Variants in MAP7D1 observed in about 807,000 individuals in gnomAD.
The protein encoded by MAP7D1 is MAP7 domain containing 1.
MAP7D1 carries 30 observed loss-of-function variants against 97.5 expected under a neutral mutation model. The ratio of observed to expected loss-of-function variants is 0.31; its 90% CI spans 0.23 to 0.42. The LOEUF is 0.42. Among genes scored for constraint, MAP7D1 ranks in the 10% least tolerant of loss-of-function variants. The pLI is 1.00. For synonymous variants in MAP7D1, 536 were observed against 477.1 expected (o/e 1.12, Z -1.61); for missense variants, 1,184 against 1,179.5 (o/e 1.00, Z -0.06).
chr1:36,165,761 C>T (rs1442907237), intron 1 of MAP7D1, among the ~76,000 whole-genome samples: 2 of 132,428 alleles, frequency 1.5e-5, no homozygotes, highest in Non-Finnish European at 3.1e-5. Context: ...GACGGAGTCT[C>T]ACTCTGTCAT....
In MAP7D1 at chr1:36,159,938, C is replaced by T. The variant is rs1226590893; in HGVS notation, c.46+3475C>T. Among the ~76,000 whole-genome samples the T allele has an allele frequency of 6.6e-6, 1 of 152,204 alleles. No homozygotes were observed. Among genetic ancestry groups the T allele is most frequent in the African/African-American group, 2.4e-5 (1 of 41,454 alleles). On this transcript the variant is annotated intron_variant, in intron 1 of 16. Coordinates refer to ENST00000474796, the MANE Select transcript of MAP7D1 (RefSeq NM_001388490.1). The surrounding 1 kb of genome is among the most constrained non-coding windows in gnomAD (Gnocchi z 5.4). The stretch of plus-strand genomic sequence containing the variant: ...CAATAATGAGGCCTCTAATGAGCCC[C>T]TAATGTGCAGTCACGCATATGCAAA...
Position 36,156,405 on chromosome 1 carries a change from T to A in MAP7D1, c.-13T>A. 1 of 1,485,168 alleles carries A rather than the reference T, an allele frequency of 6.7e-7. No individual in the cohort carries two copies. Among genetic ancestry groups the A allele is most frequent in the Non-Finnish European group, 8.9e-7 (1 of 1,125,206 alleles). 92.0% of individuals were successfully genotyped at this position (1,485,168 alleles called of 1,614,324 possible). A position where few individuals can be genotyped will look rare whatever the true frequency, so the allele number is the denominator to read the frequency against. Reference sequence around the variant, plus strand: ...GCCGCTGAGACCCCGAGACCCCCAGTGACGCCGCAGCCATGGAGAGCGGCC... The same window carrying A: ...GCCGCTGAGACCCCGAGACCCCCAGAGACGCCGCAGCCATGGAGAGCGGCC... On this transcript the variant is annotated 5_prime_UTR_variant, in exon 1 of 17. Coordinates refer to ENST00000474796, the MANE Select transcript of MAP7D1 (RefSeq NM_001388490.1).
At chr1:36,179,070 G>A in intron 12 of MAP7D1, 45 bp downstream of exon 12, 1 of 1,514,682 alleles carries the variant, frequency 6.6e-7, no homozygotes, top group Non-Finnish European at 9.0e-7. Flanking sequence ...CCTGGGCAGG[G>A]CGGGCCAGGT....
chr1:36,170,377 G>A (rs1219457576), intron 1 of MAP7D1, among the ~76,000 whole-genome samples: 5 of 152,204 alleles, frequency 3.3e-5, no homozygotes, highest in Admixed American at 6.5e-5. Context: ...CCATACTTAC[G>A]TCCTTCCTCT....
chr1:36,179,839 G>C (rs1462967802), intron 15 of MAP7D1, 35 bp from the exon 16 acceptor site: 2 of 1,587,926 alleles, frequency 1.3e-6, no homozygotes, highest in South Asian at 1.1e-5. Flanking sequence ...TTTCCTGGGA[G>C]GTGAGGTGCT....
At position 36,178,060 on chromosome 1, in the gene MAP7D1, C is replaced by T; in HGVS notation, c.1567C>T (p.Pro523Ser). 1 of 1,611,792 alleles carries T rather than the reference C, an allele frequency of 6.2e-7. No homozygotes were observed. Among genetic ancestry groups the T allele is most frequent in the South Asian group, 1.1e-5 (1 of 90,864 alleles). ...AAAGGAGAGCCCCAGCGCCGCAGGG[C>T]CCGAGGACAAGAGCCAGAGCAAGCG... ...EAKESPSAAG[P>S]EDKSQSKRRA... is the part of the protein sequence containing the mutation. The change falls in exon 9 of 17, where the codon CCC becomes TCC. Residue 523 changes from proline to serine, a missense_variant. Coordinates refer to ENST00000474796, the MANE Select transcript of MAP7D1 (RefSeq NM_001388490.1).
chr1:36,177,758 C>T (rs959552189), intron 8 of MAP7D1, 115 bp from the exon 9 acceptor site: 17 of 1,073,774 alleles, frequency 1.6e-5, no homozygotes, highest in South Asian at 4.6e-5. Flanking sequence ...AGCAAGGGGG[C>T]GGGGGGCGGC....
intron 1 of MAP7D1, among the ~76,000 whole-genome samples, chr1:36,161,935 G>C (rs1644418247): frequency 6.6e-6 from 1 of 151,226 alleles, no homozygotes; most frequent in African/African-American, 2.4e-5. Context: ...AATATGTCTT[G>C]TCTCTCGCCA....
At chr1:36,162,694 G>A (rs1644428681) in intron 1 of MAP7D1, among the ~76,000 whole-genome samples, 1 of 152,136 alleles carries the variant, frequency 6.6e-6, no homozygotes, top group African/African-American at 2.4e-5. Context: ...GAAACTGGCT[G>A]GGGACATGCA....
At chr1:36,178,295 G>A in intron 9 of MAP7D1, 94 bp downstream of exon 9, 1 of 1,473,970 alleles carries the variant, frequency 6.8e-7, no homozygotes, top group South Asian at 1.4e-5. Flanking sequence ...TGAGGACTGG[G>A]AGTGGGACAT....
Position 36,171,248 on chromosome 1 carries a change from T to C in MAP7D1, c.324T>C (p.Pro108=). Residue 108 remains proline, a synonymous_variant, in exon 2 of 17, where the codon CCT becomes CCC. Transcript: ENST00000474796. The part of the protein sequence containing the change: ...PPAMGPRDAR[P]PRRSSQPSPT... ...CCATGGGCCCACGGGATGCCAGACC[T>C]CCTCGAAGGAGCAGCCAGCCATCTC... The C allele has an allele frequency of 6.2e-7, 1 of 1,601,176 alleles. No homozygotes were observed. Among genetic ancestry groups the C allele is most frequent in the Non-Finnish European group, 8.5e-7 (1 of 1,173,952 alleles).
Position 36,178,829 on chromosome 1 carries a change from C to G in MAP7D1, c.2025+6C>G. 6.6e-7 allele frequency: 1 copy of G among 1,525,500 alleles called. No homozygotes were observed. The highest frequency in any genetic ancestry group is 2.1e-5 in the Admixed American group (1 of 47,056). The allele number at this position is 1,525,500 out of a possible 1,614,324, so 94.5% of individuals were successfully genotyped here. On this transcript the variant is annotated splice_donor_region_variant and intron_variant, in intron 11 of 16. Transcript: ENST00000474796. ...AGGAGCGGCTGCAGAAGCAGGTGCC[C>G]CCGGCGGGCGGGAAGCGGCTGGGCG...
At position 36,171,031 on chromosome 1, in the gene MAP7D1, C is replaced by T. The variant is rs374463037; in HGVS notation, c.107C>T (p.Pro36Leu). The T allele has an allele frequency of 5.7e-6, 9 of 1,579,506 alleles. No homozygotes were observed. The highest frequency in any genetic ancestry group is 1.7e-5 in the Admixed American group (1 of 58,920). ...TCTCCAGAAGGTGACCCTTCCCCCC[C>T]ACCACCACCAATGTCAGCCCTGGTC... is the stretch of plus-strand genomic sequence containing the variant. ...RPSPEGDPSP[P>L]PPPMSALVPD... Residue 36 changes from proline to leucine, a missense_variant, in exon 2 of 17, where the codon CCA becomes CTA. Physicochemically the swap from Pro to Leu is moderately conservative, Grantham distance 98. Coordinates refer to ENST00000474796, the MANE Select transcript of MAP7D1 (RefSeq NM_001388490.1).
rs374463037 is a variant in MAP7D1, at chr1:36,171,031, C to A, written c.107C>A (p.Pro36Gln). ...TCTCCAGAAGGTGACCCTTCCCCCC[C>A]ACCACCACCAATGTCAGCCCTGGTC... The part of the protein sequence containing the change: ...RPSPEGDPSP[P>Q]PPPMSALVPD... The change falls in exon 2 of 17, where the codon CCA (proline) becomes CAA (glutamine). Residue 36 changes from proline (P) to glutamine (Q), a missense_variant. Physicochemically the swap from Pro to Gln is moderately conservative, Grantham distance 76. Coordinates refer to ENST00000474796, the MANE Select transcript of MAP7D1 (RefSeq NM_001388490.1). 59 of 1,579,504 alleles carry A rather than the reference C, an allele frequency of 3.7e-5. No individual in the cohort carries two copies. The highest frequency in any genetic ancestry group is 5.4e-5 in the African/African-American group (4 of 73,992).
intron 8 of MAP7D1, among the ~76,000 whole-genome samples, chr1:36,177,232 G>C (rs928002516): frequency 1.4e-4 from 21 of 151,716 alleles, no homozygotes; most frequent in African/African-American, 5.1e-4. Context: ...TTACATGTGT[G>C]AGTGTAAGCC....
In MAP7D1 at chr1:36,174,916, T is replaced by C. The variant is rs746041950; in HGVS notation, c.758T>C (p.Val253Ala). 2 of 1,613,148 alleles carry C rather than the reference T, an allele frequency of 1.2e-6. No individual in the cohort carries two copies. Among genetic ancestry groups the C allele is most frequent in the Admixed American group, 3.3e-5 (2 of 60,006 alleles). Residue 253 changes from valine (V) to alanine (A), a missense_variant, in exon 6 of 17, where the codon GTG becomes GCG. By Grantham distance (64) the Val-to-Ala change is moderately conservative (BLOSUM62 0). Coordinates refer to ENST00000474796, the MANE Select transcript of MAP7D1 (RefSeq NM_001388490.1). The part of the protein sequence containing the change: ...GHKTSGSRCS[V>A]SAVNLPKHVD... ...CCTCCAGGTGGGAGCAGGTGCTCCG[T>C]GTCGGCAGTTAACCTGCCCAAACAC...
At chr1:36,166,167 G>A (rs1397999520) in intron 1 of MAP7D1, among the ~76,000 whole-genome samples, 1 of 152,182 alleles carries the variant, frequency 6.6e-6, no homozygotes, top group Admixed American at 6.5e-5. Context: ...CAGCCACTGA[G>A]GAAATATTGT....
chr1:36,174,729 C>A, intron 5 of MAP7D1, among the ~76,000 whole-genome samples, 169 bp from the exon 6 acceptor site: 1 of 136,200 alleles, frequency 7.3e-6, no homozygotes, highest in African/African-American at 2.7e-5. Flanking sequence ...GTCACCTACC[C>A]CCCCACCCTC....
rs1644379317 is a variant in MAP7D1 at position 36,159,426 on chromosome 1, G to T, written c.46+2963G>T. ...GAGATGTGATTGATTAGAATTGTAG[G>T]AGGTAAGTATAGGACAAGAAGGCAG... On this transcript the variant is annotated intron_variant, in intron 1 of 16. Coordinates refer to ENST00000474796, the MANE Select transcript of MAP7D1 (RefSeq NM_001388490.1). This position sits in a 1 kb window ranked among gnomAD's most constrained non-coding sequence, Gnocchi z 5.4. Among the ~76,000 whole-genome samples, 1 of 152,146 alleles carries T rather than the reference G, an allele frequency of 6.6e-6. No individual in the cohort carries two copies. Among genetic ancestry groups the T allele is most frequent in the South Asian group, 2.1e-4 (1 of 4,832 alleles).
Sources: allele counts gnomAD v4.1 joint callset (sites outside exome capture counted in the v4.1 genomes callset), GRCh38; gene constraint gnomAD v4.1.1; non-coding constraint Gnocchi (gnomAD v3.1); transcripts MANE v1.5; gene names NCBI Gene and HGNC (gene_info 2026-07-23, HGNC 2026-07-21).